The following NUP214 variants were observed in gnomAD, a reference collection of about 807,000 sequenced individuals.
The protein encoded by NUP214 is nuclear pore complex protein Nup214.
NUP214 carries 79 observed loss-of-function variants against 196.2 expected under a neutral mutation model. The ratio of observed to expected loss-of-function variants is 0.40; its 90% CI spans 0.34 to 0.49. The LOEUF (loss-of-function observed/expected upper bound fraction) is 0.49, where lower values mean the gene tolerates loss of function less well. Among genes scored for constraint, NUP214 ranks in the 20% least tolerant of loss-of-function variants. NUP214 has a pLI of 0.58. For synonymous variants in NUP214, 1,020 were observed against 990.5 expected, an observed-to-expected ratio of 1.03 and a Z score of -0.56; for missense variants, 2,468 against 2,539.0, an observed-to-expected ratio of 0.97 and a Z score of 0.60.
At chr9:131,213,178 C>CTTTTT (rs1056468207) in intron 30 of NUP214, among the ~76,000 whole-genome samples, 1 of 141,170 alleles carries the variant, frequency 7.1e-6, no homozygotes, top group Non-Finnish European at 1.5e-5. Context: ...TATCAAATCA[C>CTTTTT]TTTTTTTTTT....
intron 17 of NUP214, among the ~76,000 whole-genome samples, chr9:131,157,741 G>A (rs1280038703): frequency 6.6e-6 from 1 of 152,002 alleles, no homozygotes; most frequent in Non-Finnish European, 1.5e-5. Flanking sequence ...CACCTCCCAG[G>A]TTCAAGAGAT....
chr9:131,172,347 GTCT>G (rs1386844506), intron 21 of NUP214, among the ~76,000 whole-genome samples: 1 of 152,194 alleles, frequency 6.6e-6, no homozygotes. Context: ...CTGCATAAAT[GTCT>G]TCTTTTGAGA....
At chr9:131,182,530 T>G (rs928769829) in intron 24 of NUP214, among the ~76,000 whole-genome samples, 5 of 152,250 alleles carry the variant, frequency 3.3e-5, no homozygotes, top group African/African-American at 1.2e-4. Context: ...AACAGTTTCA[T>G]CCTGAAACCA....
At chr9:131,193,629 C>CTTTTT (rs71389402) in intron 27 of NUP214, among the ~76,000 whole-genome samples, 923 of 28,166 alleles carry the variant, frequency 0.033, 247 homozygotes, top group Middle Eastern at 0.1. Context: ...TCTTCCTTTT[C>CTTTTT]TTTTTTTTTT....
chr9:131,229,590 T>G (rs938061272), intron 33 of NUP214: 165 of 404,846 alleles, frequency 4.1e-4, no homozygotes, highest in East Asian at 2.2e-3. Flanking sequence ...GATTGGCTGG[T>G]TAGTCAGTCC....
At chr9:131,129,575 G>T (rs78431007) in intron 4 of NUP214, 98 bp downstream of exon 4, 48,157 of 1,061,366 alleles carry the variant, frequency 0.045, 963 homozygotes, top group Middle Eastern at 0.062. Flanking sequence ...TTGTGTTTTG[G>T]TTTTTTTTTT....
intron 26 of NUP214, chr9:131,190,181 C>T (rs1833558954): frequency 2.7e-6 from 1 of 367,534 alleles, no homozygotes; most frequent in Non-Finnish European, 4.8e-6. Context: ...AGGTATCTAG[C>T]ACTTCTCGAC....
intron 21 of NUP214, 85 bp downstream of exon 21, chr9:131,164,229 A>G (rs1832722564): frequency 4.1e-6 from 5 of 1,204,950 alleles, no homozygotes; most frequent in Admixed American, 1.8e-5. Flanking sequence ...GCACGTGTGC[A>G]TGTGTGAGCT....
At chr9:131,209,375 C>T (rs187421250) in intron 30 of NUP214, among the ~76,000 whole-genome samples, 36 of 152,262 alleles carry the variant, frequency 2.4e-4, no homozygotes, top group Middle Eastern at 3.4e-3. Context: ...AGTGAGAACC[C>T]TGTCTCAGTC....
rs745935436 is a variant in NUP214 at position 131,144,355 on chromosome 9, C to T, written c.1370C>T (p.Ser457Phe). The change falls in exon 12 of 36, where the codon TCT (serine) becomes TTT (phenylalanine). Residue 457 changes from serine (S) to phenylalanine (F), a missense_variant. By Grantham distance (155) the Ser-to-Phe change is radical. Transcript: ENST00000359428. Reference protein sequence around the residue: ...LDASAAAAPASLPPSSPAAPI... With the variant: ...LDASAAAAPAFLPPSSPAAPI... ...GCTTCTGCAGCTGCAGCCCCTGCCTCTCTGCCACCTTCATCACCTGCTGCT... is the reference window on the plus strand; with the variant it reads ...GCTTCTGCAGCTGCAGCCCCTGCCTTTCTGCCACCTTCATCACCTGCTGCT... The T allele has an allele frequency of 3.1e-6, 5 of 1,614,090 alleles. No homozygotes were observed. The highest frequency in any genetic ancestry group is 2.2e-5 in the East Asian group (1 of 44,906).
intron 17 of NUP214, among the ~76,000 whole-genome samples, chr9:131,152,859 C>T (rs1297758513): frequency 6.6e-6 from 1 of 151,972 alleles, no homozygotes; most frequent in Non-Finnish European, 1.5e-5. Context: ...TCACTGCAGC[C>T]TCAACCTCTG....
chr9:131,211,188 G>T (rs1588170333), intron 30 of NUP214, among the ~76,000 whole-genome samples: 1 of 152,128 alleles, frequency 6.6e-6, no homozygotes, highest in East Asian at 1.9e-4. Flanking sequence ...TAATAAAACG[G>T]TATAATTTCA....
chr9:131,189,884 A>C (rs960909997), intron 26 of NUP214: 1 of 152,930 alleles, frequency 6.5e-6, no homozygotes. Context: ...AATTTTTACA[A>C]CACTGTTGAT....
chr9:131,196,034 C>G lies in NUP214; in HGVS notation c.3721+740C>G, dbSNP rs1205156408. Among the ~76,000 whole-genome samples the G allele has an allele frequency of 5.5e-5, 2 of 36,164 alleles. 1 individual carries two copies. The highest frequency in any genetic ancestry group is 3.5e-3 in the South Asian group (2 of 572). The allele number at this position is 36,164 out of a possible 152,430, so 23.7% of individuals were successfully genotyped here. ...AGTGAAACTCTGTGTGTCCCCCCCCCCCCCCGCGCCAAAAAATCCATCAAT... is the reference window on the plus strand; with the variant it reads ...AGTGAAACTCTGTGTGTCCCCCCCCGCCCCCGCGCCAAAAAATCCATCAAT... On this transcript the variant is annotated intron_variant, in intron 28 of 35. Coordinates refer to ENST00000359428, the MANE Select transcript of NUP214 (RefSeq NM_005085.4).
chr9:131,232,174 C>CGGAGGGCTTCCCACAAGAAGCACAGA lies in NUP214; in HGVS notation c.6215-102_6215-77dup, dbSNP rs1432381221. 10 of 1,150,354 alleles carry CGGAGGGCTTCCCACAAGAAGCACAGA rather than the reference C, an allele frequency of 8.7e-6. No homozygotes were observed. The African/African-American group carries it at 1.5e-4, about 17-fold the overall frequency. The allele number at this position is 1,150,354 out of a possible 1,614,324, so 71.3% of individuals were successfully genotyped here. On this transcript the variant is annotated intron_variant, in intron 34 of 35. Coordinates refer to ENST00000359428, the MANE Select transcript of NUP214 (RefSeq NM_005085.4). This position sits in a 1 kb window ranked among gnomAD's most constrained non-coding sequence, Gnocchi z 5.1. ...TGCCTTCCTGTAGGTGGTGGAGGCA[C>CGGAGGGCTTCCCACAAGAAGCACAGA]GGAGGGCTTCCCACAAGAAGCACAG...
rs770149995 is a variant in NUP214, at chr9:131,234,624, AT to A, written c.*1144del. 1.8e-5 allele frequency: 4 copies of A among 225,912 alleles called. No individual in the cohort carries two copies. The highest frequency in any genetic ancestry group is 3.5e-5 in the Non-Finnish European group (4 of 113,754). The allele number at this position is 225,912 out of a possible 1,614,324, so 14.0% of individuals were successfully genotyped here. ...AGAGTTTTACATATTGGCAGGTTGT[AT>A]TTTTTTAATGTTTTAATAAAAGTTT... On this transcript the variant is annotated 3_prime_UTR_variant, in exon 36 of 36. Transcript: ENST00000359428.
At chr9:131,231,122 C>A (rs1440988002) in intron 34 of NUP214, among the ~76,000 whole-genome samples, 1 of 152,056 alleles carries the variant, frequency 6.6e-6, no homozygotes, top group Non-Finnish European at 1.5e-5. Context: ...GCACTCCAGC[C>A]TGGGTGACAG....
At chr9:131,136,794 G>A (rs1267401219) in intron 9 of NUP214, 2 of 152,180 alleles carry the variant, frequency 1.3e-5, no homozygotes, top group East Asian at 1.9e-4. Context: ...GTGGTGGTGC[G>A]CTATCCACTT....
chr9:131,175,360 G>A (rs1833084309), intron 22 of NUP214, 100 bp from the exon 23 acceptor site: 4 of 1,345,694 alleles, frequency 3.0e-6, no homozygotes, highest in Non-Finnish European at 3.1e-6. Flanking sequence ...GCTAATTTTA[G>A]CATTTTCCCT....
Sources: gnomAD v4.1 joint callset for allele counts (sites outside exome capture counted in the v4.1 genomes callset) on GRCh38, gnomAD v4.1.1 for gene constraint, Gnocchi (gnomAD v3.1) non-coding constraint, MANE v1.5 for transcripts, NCBI Gene and HGNC (gene_info 2026-07-23, HGNC 2026-07-21) for gene names.